MESD: variants seen among roughly 807,000 people sequenced by gnomAD.
MESD encodes LRP chaperone MESD.
A neutral mutation model predicts 12.9 loss-of-function variants in MESD; 7 were observed. That is an observed-to-expected ratio of 0.54 (90% CI 0.31 to 1.02). MESD has a LOEUF of 1.02. MESD is among the 50% of genes least tolerant of loss of function. The pLI is 0.05. For synonymous variants in MESD, 126 were observed against 115.6 expected, an observed-to-expected ratio of 1.09 and a Z score of -0.58; for missense variants, 342 against 296.7, an observed-to-expected ratio of 1.15 and a Z score of -1.12.
At chr15:80,972,537 G>A (rs1902310346), downstream of MESD, among the ~76,000 whole-genome samples, 1 of 152,226 alleles carries the variant, frequency 6.6e-6, no homozygotes. Context: ...AGAAGTACAT[G>A]CTCCTAGAAA....
chr15:80,949,060 C>T (rs1056031863), intron 4 of MESD: 3 of 1,168,376 alleles, frequency 2.6e-6, no homozygotes, highest in Non-Finnish European at 3.8e-6. Context: ...CCTGATGGGC[C>T]AAGGGAAGGC....
chr15:80,950,258 G>A (rs1901760432), intron 4 of MESD: 1 of 152,304 alleles, frequency 6.6e-6, no homozygotes, highest in Non-Finnish European at 1.5e-5. Flanking sequence ...CCCAAGATGG[G>A]AAAGAACCAC....
intron 3 of MESD, among the ~76,000 whole-genome samples, chr15:80,962,838 T>C (rs572517097): frequency 6.6e-6 from 1 of 152,226 alleles, no homozygotes; most frequent in South Asian, 2.1e-4. Context: ...TTTAAAGCAG[T>C]GTGTAGAGGG....
At chr15:80,975,721 A>G (rs1349631692), downstream of MESD, 1 of 152,228 alleles carries the variant, frequency 6.6e-6, no homozygotes, top group Admixed American at 6.5e-5. Context: ...TGAAGAAGGA[A>G]AGATGTGTAT....
intron 1 of MESD, among the ~76,000 whole-genome samples, chr15:80,987,591 C>G (rs765643797): frequency 6.6e-6 from 1 of 151,802 alleles, no homozygotes; most frequent in Admixed American, 6.6e-5. Flanking sequence ...CTGGTTCAAG[C>G]GATTCTTGTG....
chr15:80,948,329 A>G, exon 5 of MESD: 1 of 266,546 alleles, frequency 3.8e-6, no homozygotes. Flanking sequence ...TCTTGGTCAA[A>G]TTTCTTCACC....
chr15:80,986,802 C>G (rs908142409), intron 1 of MESD, among the ~76,000 whole-genome samples: 1 of 152,214 alleles, frequency 6.6e-6, no homozygotes, highest in African/African-American at 2.4e-5. Context: ...TCAGTAGCTA[C>G]AAAGCTGAGC....
At chr15:80,949,590 G>T in intron 4 of MESD, 1 of 165,786 alleles carries the variant, frequency 6.0e-6, no homozygotes. Context: ...ATTTCACATG[G>T]TACCTGGAAC....
Position 80,978,486 on chromosome 15 carries a change from A to G in MESD, c.*733T>C, listed in dbSNP as rs1902480720. 6.6e-6 allele frequency: 1 copy of G among 152,228 alleles called. No individual in the cohort carries two copies. The highest frequency in any genetic ancestry group is 1.5e-5 in the Non-Finnish European group (1 of 68,054). 9.4% of individuals were successfully genotyped at this position (152,228 alleles called of 1,614,324 possible). ...TCTGATTCCCTACTTAAATCCTTTA[A>G]AACTGTCACATTAAATGGAACATAT... is the stretch of plus-strand genomic sequence containing the variant. On this transcript the variant is annotated 3_prime_UTR_variant, in exon 3 of 3. Coordinates refer to ENST00000261758, the MANE Select transcript of MESD (RefSeq NM_015154.3).
At chr15:80,957,455 T>G (rs941152305) in intron 3 of MESD, among the ~76,000 whole-genome samples, 1 of 152,206 alleles carries the variant, frequency 6.6e-6, no homozygotes, top group Non-Finnish European at 1.5e-5. Flanking sequence ...TTAAATTATT[T>G]GTTGCCTACA....
chr15:80,972,087 G>A (rs371275801), downstream of MESD, among the ~76,000 whole-genome samples: 45 of 152,182 alleles, frequency 3.0e-4, no homozygotes, highest in African/African-American at 9.6e-4. Context: ...ATACAGGCCC[G>A]GTGCTGGGGA....
intron 3 of MESD, among the ~76,000 whole-genome samples, chr15:80,966,673 C>A (rs1902181304): frequency 6.6e-6 from 1 of 152,224 alleles, no homozygotes; most frequent in Non-Finnish European, 1.5e-5. Flanking sequence ...GCCACCTGCT[C>A]CAGGAAGCTT....
intron 2 of MESD, among the ~76,000 whole-genome samples, chr15:80,981,018 G>A (rs1596236060): frequency 2.0e-5 from 3 of 151,718 alleles, no homozygotes; most frequent in Non-Finnish European, 4.4e-5. Flanking sequence ...TAGAGACAGG[G>A]TTTCCCCACG....
intron 1 of MESD, among the ~76,000 whole-genome samples, chr15:80,985,885 G>C (rs1245331040): frequency 6.6e-6 from 1 of 151,884 alleles, no homozygotes; most frequent in African/African-American, 2.4e-5. Flanking sequence ...GAACTCCTGA[G>C]CTCGAAGGAT....
chr15:80,982,476 C>T (rs939305028), intron 1 of MESD, among the ~76,000 whole-genome samples: 1 of 152,198 alleles, frequency 6.6e-6, no homozygotes, highest in Non-Finnish European at 1.5e-5. Context: ...AAAATGGCCA[C>T]ATTCTGGTAT....
chr15:80,989,478 G>GT (rs1893235248), intron 1 of MESD, 101 bp downstream of exon 1: 6 of 1,350,234 alleles, frequency 4.4e-6, no homozygotes, highest in Middle Eastern at 1.9e-4. Flanking sequence ...AGTAGAGGAG[G>GT]TTAGGGGGTC....
intron 3 of MESD, among the ~76,000 whole-genome samples, chr15:80,960,280 A>T (rs1385930863): frequency 6.6e-6 from 1 of 151,656 alleles, no homozygotes; most frequent in Non-Finnish European, 1.5e-5. Flanking sequence ...TGGGAGGATC[A>T]CCTGAGCTTA....
chr15:80,954,792 T>G (rs1306265613), intron 3 of MESD, among the ~76,000 whole-genome samples: 1 of 152,280 alleles, frequency 6.6e-6, no homozygotes, highest in Non-Finnish European at 1.5e-5. Flanking sequence ...TGGCTTTGAA[T>G]GCAGCCCAAC....
chr15:80,951,447 G>A (rs1901822769), intron 4 of MESD: 1 of 152,570 alleles, frequency 6.6e-6, no homozygotes. Flanking sequence ...AGTGAGTTAG[G>A]TCTTTAAGGA....
Sources: gnomAD v4.1 joint callset for allele counts (sites outside exome capture counted in the v4.1 genomes callset) on GRCh38, gnomAD v4.1.1 for gene constraint, MANE v1.5 for transcripts, NCBI Gene and HGNC (gene_info 2026-07-23, HGNC 2026-07-21) for gene names.